Variants in PARD3B observed in about 807,000 individuals in gnomAD.
The protein encoded by PARD3B is par-3 family cell polarity regulator beta.
A neutral mutation model predicts 130.2 loss-of-function variants in PARD3B; 103 were observed. The ratio of observed to expected loss-of-function variants is 0.79; its 90% CI spans 0.67 to 0.93. The LOEUF (loss-of-function observed/expected upper bound fraction) is 0.93. Ranked by LOEUF, PARD3B falls within the 40% of genes least tolerant of loss-of-function variation. The pLI is 0.00. For synonymous variants in PARD3B, 583 were observed against 553.2 expected (o/e 1.05, Z -0.76); for missense variants, 1,609 against 1,499.2 (o/e 1.07, Z -1.21).
chr2:205,344,194 TTGTGTG>T (rs1553681141), intron 18 of PARD3B, among the ~76,000 whole-genome samples: 41 of 141,034 alleles, frequency 2.9e-4, no homozygotes, highest in African/African-American at 1.0e-3. Flanking sequence ...GTCAGTTGGT[TTGTGTG>T]TGTGTGTGTG....
chr2:205,129,480 T>C (rs907210275), intron 10 of PARD3B, among the ~76,000 whole-genome samples: 3 of 152,220 alleles, frequency 2.0e-5, no homozygotes, highest in Non-Finnish European at 2.9e-5. Flanking sequence ...GAAGGTGATA[T>C]CACTTTGGTC....
At chr2:205,290,392 A>G (rs1325732144) in intron 16 of PARD3B, among the ~76,000 whole-genome samples, 5 of 152,202 alleles carry the variant, frequency 3.3e-5, no homozygotes, top group African/African-American at 1.2e-4. Flanking sequence ...AAGGTTTGTC[A>G]GACCAGGAAA....
At chr2:205,588,394 T>C (rs1373626654) in intron 22 of PARD3B, among the ~76,000 whole-genome samples, 1 of 152,244 alleles carries the variant, frequency 6.6e-6, no homozygotes, top group African/African-American at 2.4e-5. Context: ...CACACTTTTC[T>C]TATTTTTGTT....
rs78875900 is a variant in PARD3B, at chr2:205,097,369, C to T, written c.505-7057C>T. Among the ~76,000 whole-genome samples the T allele has an allele frequency of 6.6e-3, 1,007 of 152,248 alleles. 39 individuals carry two copies. In the East Asian group the frequency reaches 0.096, roughly 15 times the overall value. The stretch of plus-strand genomic sequence containing the variant: ...CAAGAATCCTAGATTCTGGCTTTGT[C>T]ACTAACACAACATGTAAAAGGAGAC... On this transcript the variant is annotated intron_variant, in intron 4 of 22. Coordinates refer to ENST00000406610, the MANE Select transcript of PARD3B (RefSeq NM_001302769.2).
intron 19 of PARD3B, among the ~76,000 whole-genome samples, chr2:205,430,662 A>G (rs776883667): frequency 2.0e-5 from 3 of 152,222 alleles, no homozygotes; most frequent in Non-Finnish European, 2.9e-5. Flanking sequence ...ATCATTTCAC[A>G]AGAAAGTAAA....
At chr2:204,856,219 C>CT (rs1393471556) in intron 2 of PARD3B, among the ~76,000 whole-genome samples, 1 of 152,052 alleles carries the variant, frequency 6.6e-6, no homozygotes, top group Admixed American at 6.6e-5. Flanking sequence ...TATCACTTGT[C>CT]TTTTTTGTAA....
chr2:205,529,305 A>G (rs200648338), intron 21 of PARD3B, among the ~76,000 whole-genome samples: 1 of 152,210 alleles, frequency 6.6e-6, no homozygotes, highest in Non-Finnish European at 1.5e-5. Context: ...TGAAATACAC[A>G]CTTGAAACAA....
At chr2:204,672,908 C>T (rs1462549261) in intron 1 of PARD3B, among the ~76,000 whole-genome samples, 2 of 152,192 alleles carry the variant, frequency 1.3e-5, no homozygotes, top group East Asian at 3.8e-4. Context: ...GCTGGGATTA[C>T]AGTGGCATAC....
chr2:204,797,465 A>G (rs2042415435), intron 2 of PARD3B, among the ~76,000 whole-genome samples: 1 of 152,102 alleles, frequency 6.6e-6, no homozygotes, highest in African/African-American at 2.4e-5. Flanking sequence ...AACATGTCTT[A>G]TTTTCTTTGG....
intron 16 of PARD3B, among the ~76,000 whole-genome samples, chr2:205,283,766 G>A (rs927789510): frequency 2.0e-5 from 3 of 152,188 alleles, no homozygotes; most frequent in Non-Finnish European, 4.4e-5. Context: ...TAAGTGTACA[G>A]TTCAGTAGTG....
Position 204,553,520 on chromosome 2 carries a change from G to A in PARD3B, c.120+7401G>A, listed in dbSNP as rs1023207063. On this transcript the variant is annotated intron_variant, in intron 1 of 22. Transcript: ENST00000406610. Reference sequence around the variant, plus strand: ...CCCAAATGCCCACCAGTCAACGAGTGGGTAAAGAATCTGTGGGGTGTGTGT... The same window carrying A: ...CCCAAATGCCCACCAGTCAACGAGTAGGTAAAGAATCTGTGGGGTGTGTGT... Among the ~76,000 whole-genome samples the A allele has an allele frequency of 2.0e-5, 3 of 146,436 alleles. No individual in the cohort carries two copies. In the South Asian group the frequency reaches 6.6e-4, roughly 32 times the overall value.
intron 2 of PARD3B, among the ~76,000 whole-genome samples, chr2:204,702,148 A>G (rs2037925782): frequency 6.6e-6 from 1 of 152,150 alleles, no homozygotes. Flanking sequence ...TCCACCATTG[A>G]TGGACACCTG....
chr2:205,536,371 C>G (rs1212341936), intron 21 of PARD3B, among the ~76,000 whole-genome samples: 1 of 152,148 alleles, frequency 6.6e-6, no homozygotes, highest in Non-Finnish European at 1.5e-5. Context: ...TTCTCCTGCT[C>G]CCACTCATTT....
chr2:204,553,537 GGTGTGTGT>G (rs36193401), intron 1 of PARD3B, among the ~76,000 whole-genome samples: 6 of 136,066 alleles, frequency 4.4e-5, no homozygotes, highest in East Asian at 2.1e-4. Context: ...GAATCTGTGG[GGTGTGTGT>G]GTGTGTGTGT....
intron 2 of PARD3B, among the ~76,000 whole-genome samples, chr2:204,869,147 G>T (rs1235868571): frequency 1.3e-5 from 2 of 152,104 alleles, no homozygotes; most frequent in African/African-American, 4.8e-5. Flanking sequence ...AAAGCAAGGA[G>T]GTATTATATG....
rs1169274560 is a variant in PARD3B at position 205,446,549 on chromosome 2, T to A, written c.3044+5877T>A. 6.6e-6 allele frequency among the ~76,000 whole-genome samples: 1 copy of A among 152,134 alleles called. No homozygotes were observed. Among genetic ancestry groups the A allele is most frequent in the Non-Finnish European group, 1.5e-5 (1 of 68,036 alleles). On this transcript the variant is annotated intron_variant, in intron 20 of 22. Transcript: ENST00000406610. The surrounding 1 kb of genome is among the most constrained non-coding windows in gnomAD (Gnocchi z 4.4). ...ATAGGAACAGATCGTGTGTATGTGGTCCATAGTAGCTTTCTAATAGAGGCG... is the reference window on the plus strand; with the variant it reads ...ATAGGAACAGATCGTGTGTATGTGGACCATAGTAGCTTTCTAATAGAGGCG...
intron 2 of PARD3B, among the ~76,000 whole-genome samples, chr2:204,832,556 T>C (rs187999968): frequency 2.2e-4 from 34 of 152,234 alleles, no homozygotes; most frequent in Admixed American, 1.9e-3. Flanking sequence ...GTGTGGCAAA[T>C]CATGCCATAC....
At chr2:205,040,714 T>C (rs192411926) in intron 3 of PARD3B, among the ~76,000 whole-genome samples, 1 of 152,318 alleles carries the variant, frequency 6.6e-6, no homozygotes, top group East Asian at 1.9e-4. Flanking sequence ...ATCATCAATG[T>C]AAAAAATTTA....
intron 16 of PARD3B, among the ~76,000 whole-genome samples, chr2:205,299,768 A>G (rs1446168742): frequency 1.3e-5 from 2 of 151,934 alleles, no homozygotes; most frequent in East Asian, 1.9e-4. Flanking sequence ...TGTGCTCTAT[A>G]TTTTCTGTTT....
Sources: gnomAD v4.1 joint callset for allele counts (sites outside exome capture counted in the v4.1 genomes callset) on GRCh38, gnomAD v4.1.1 for gene constraint, Gnocchi (gnomAD v3.1) non-coding constraint, MANE v1.5 for transcripts, NCBI Gene and HGNC (gene_info 2026-07-23, HGNC 2026-07-21) for gene names.